The following MAML3 variants were observed in gnomAD, a reference collection of about 807,000 sequenced individuals.
MAML3 encodes mastermind like transcriptional coactivator 3.
Under a neutral mutation model 101.9 loss-of-function variants are expected in MAML3, and 27 were observed. The observed-to-expected ratio is 0.27, with a 90% CI of 0.20 to 0.37. MAML3 has a LOEUF of 0.37. MAML3 is among the 10% of genes least tolerant of loss of function. The pLI is 1.00. For synonymous variants in MAML3, 501 were observed against 555.9 expected (o/e 0.90, Z 1.39); for missense variants, 1,316 against 1,444.9 (o/e 0.91, Z 1.45).
chr4:139,757,097 G>C (rs1326320333), intron 2 of MAML3, among the ~76,000 whole-genome samples: 1 of 152,096 alleles, frequency 6.6e-6, no homozygotes, highest in African/African-American at 2.4e-5. Flanking sequence ...CTGAGCCAGG[G>C]GGATCATCCT....
At chr4:140,152,514 CAG>C (rs1284980231) in intron 1 of MAML3, among the ~76,000 whole-genome samples, 10 of 152,110 alleles carry the variant, frequency 6.6e-5, no homozygotes, top group Admixed American at 5.9e-4. Flanking sequence ...GGTTTCAACT[CAG>C]GGGTTCACTC....
intron 1 of MAML3, among the ~76,000 whole-genome samples, chr4:139,901,587 T>C (rs1732719576): frequency 6.6e-6 from 1 of 152,040 alleles, no homozygotes; most frequent in Non-Finnish European, 1.5e-5. Context: ...GAAATGCCGG[T>C]AAAGGAGGTT....
chr4:139,839,326 G>A (rs1731319138), intron 2 of MAML3, among the ~76,000 whole-genome samples: 1 of 152,100 alleles, frequency 6.6e-6, no homozygotes, highest in Non-Finnish European at 1.5e-5. Context: ...GGGTTGAGGG[G>A]CAAAAGTACT....
chr4:139,755,034 T>C (rs1729616910), intron 2 of MAML3, among the ~76,000 whole-genome samples: 1 of 152,196 alleles, frequency 6.6e-6, no homozygotes, highest in Admixed American at 6.5e-5. Flanking sequence ...ACCATTTCCC[T>C]GGGGTTGTCA....
At chr4:140,092,222 A>C (rs1356665778) in intron 1 of MAML3, among the ~76,000 whole-genome samples, 1 of 151,762 alleles carries the variant, frequency 6.6e-6, no homozygotes, top group Non-Finnish European at 1.5e-5. Flanking sequence ...AGACACCGAA[A>C]CCTTGCGACT....
At chr4:139,991,366 T>C (rs948576456) in intron 1 of MAML3, among the ~76,000 whole-genome samples, 52 of 152,306 alleles carry the variant, frequency 3.4e-4, no homozygotes, top group Non-Finnish European at 2.1e-4. Flanking sequence ...AAGCTGAAAC[T>C]GGATCCCTTC....
chr4:140,126,033 C>T (rs1390854848), intron 1 of MAML3, among the ~76,000 whole-genome samples: 1 of 152,146 alleles, frequency 6.6e-6, no homozygotes, highest in Non-Finnish European at 1.5e-5. Flanking sequence ...GCCTTGGCTT[C>T]TGAAAGTGCT....
chr4:139,804,349 C>T (rs954993753), intron 2 of MAML3, among the ~76,000 whole-genome samples: 10 of 152,060 alleles, frequency 6.6e-5, no homozygotes, highest in Non-Finnish European at 1.5e-4. Flanking sequence ...TCACTGCAAC[C>T]TCCGCCTCCC....
At chr4:139,887,408 G>C (rs1392070236) in intron 2 of MAML3, among the ~76,000 whole-genome samples, 1 of 152,232 alleles carries the variant, frequency 6.6e-6, no homozygotes, top group African/African-American at 2.4e-5. Flanking sequence ...CGAGAGAAGA[G>C]AGGAGGAGCA....
At chr4:139,793,485 C>A (rs1730458679) in intron 2 of MAML3, among the ~76,000 whole-genome samples, 1 of 152,160 alleles carries the variant, frequency 6.6e-6, no homozygotes, top group Non-Finnish European at 1.5e-5. Context: ...ATCTTCGAAT[C>A]TCAAGCAGAT....
chr4:139,757,583 C>G (rs893493624), intron 2 of MAML3, among the ~76,000 whole-genome samples: 4 of 142,180 alleles, frequency 2.8e-5, no homozygotes, highest in Non-Finnish European at 4.5e-5. Context: ...CTGGGAGATG[C>G]AGTGAGTCAA....
At chr4:139,815,460 T>C (rs1560802700) in intron 2 of MAML3, among the ~76,000 whole-genome samples, 1 of 152,178 alleles carries the variant, frequency 6.6e-6, no homozygotes, top group Non-Finnish European at 1.5e-5. Context: ...GAGGTAAAAG[T>C]TTCTATTTTA....
At chr4:140,082,280 C>A (rs547209230) in intron 1 of MAML3, among the ~76,000 whole-genome samples, 1 of 152,192 alleles carries the variant, frequency 6.6e-6, no homozygotes, top group Non-Finnish European at 1.5e-5. Context: ...TCAAGTGGGA[C>A]GAATCTGGTC....
chr4:139,933,637 G>A (rs1578605053), intron 1 of MAML3, among the ~76,000 whole-genome samples: 1 of 152,308 alleles, frequency 6.6e-6, no homozygotes, highest in East Asian at 1.9e-4. Context: ...GTTTGGGCCT[G>A]ATGCCAGCAA....
chr4:139,900,823 A>G (rs746500113), intron 1 of MAML3, among the ~76,000 whole-genome samples: 12 of 152,240 alleles, frequency 7.9e-5, no homozygotes, highest in Non-Finnish European at 1.6e-4. Context: ...TTATTGTCAT[A>G]CAATATTCTA....
rs150202884 is a variant in MAML3, at chr4:140,135,885, C to T, written c.468+16975G>A. Among the ~76,000 whole-genome samples the T allele has an allele frequency of 6.6e-5, 10 of 152,320 alleles. No individual in the cohort carries two copies. In the East Asian group the frequency reaches 1.7e-3, roughly 26 times the overall value. On this transcript the variant is annotated intron_variant, in intron 1 of 4. Coordinates refer to ENST00000509479, the MANE Select transcript of MAML3 (RefSeq NM_018717.5). ...CAAATCAGTGTAACCACGCTTGATG[C>T]GCCGGTGAAAAATGCTATCTCCCTC...
intron 1 of MAML3, among the ~76,000 whole-genome samples, chr4:140,082,345 C>G (rs1030435000): frequency 4.6e-5 from 7 of 152,186 alleles, no homozygotes; most frequent in African/African-American, 1.7e-4. Context: ...ATTTTTCAGG[C>G]CTCGTCTAAT....
intron 1 of MAML3, among the ~76,000 whole-genome samples, chr4:140,000,183 T>C (rs1461273291): frequency 1.3e-5 from 2 of 152,226 alleles, no homozygotes; most frequent in African/African-American, 4.8e-5. Context: ...TTGATTAATA[T>C]ATTAAAACTG....
intron 1 of MAML3, among the ~76,000 whole-genome samples, chr4:140,151,724 C>T (rs1446680213): frequency 1.3e-5 from 2 of 151,604 alleles, no homozygotes; most frequent in Non-Finnish European, 2.9e-5. Context: ...CCCAAGCTTC[C>T]GGCCTCCCCT....
Sources: gnomAD v4.1 joint callset for allele counts (sites outside exome capture counted in the v4.1 genomes callset) on GRCh38, gnomAD v4.1.1 for gene constraint, MANE v1.5 for transcripts, NCBI Gene and HGNC (gene_info 2026-07-23, HGNC 2026-07-21) for gene names.